The following ORC4 variants were observed in gnomAD, a reference collection of about 807,000 sequenced individuals.
ORC4 encodes origin recognition complex subunit 4.
A neutral mutation model predicts 63.9 loss-of-function variants in ORC4; 55 were observed. The ratio of observed to expected loss-of-function variants is 0.86; its 90% confidence interval spans 0.69 to 1.08. ORC4 has a LOEUF of 1.08. ORC4 is among the 50% of genes least tolerant of loss of function. The probability of loss-of-function intolerance (pLI) is 0.00; values close to 1 mark genes in which losing one functional copy is unlikely to be tolerated. For missense variants in ORC4, 511 were observed against 504.4 expected, an observed-to-expected ratio of 1.01 and a Z score of -0.13; for synonymous variants, 150 against 168.5, an observed-to-expected ratio of 0.89 and a Z score of 0.85.
At chr2:147,990,449 G>C (rs928378709) in intron 1 of ORC4, among the ~76,000 whole-genome samples, 2 of 152,156 alleles carry the variant, frequency 1.3e-5, no homozygotes, top group Non-Finnish European at 2.9e-5. Context: ...TTAAAAGAAT[G>C]GTTGAGTGTG....
chr2:147,977,219 C>T (rs1388469518), intron 1 of ORC4, among the ~76,000 whole-genome samples: 2 of 152,114 alleles, frequency 1.3e-5, no homozygotes, highest in Admixed American at 6.5e-5. Flanking sequence ...TTGGATCCAA[C>T]CAAGTTAACC....
intron 1 of ORC4, among the ~76,000 whole-genome samples, chr2:148,000,193 A>G (rs555479532): frequency 6.6e-5 from 10 of 152,238 alleles, no homozygotes; most frequent in Admixed American, 2.6e-4. Flanking sequence ...GAGTTGATGG[A>G]CACAAATTGT....
intron 7 of ORC4, among the ~76,000 whole-genome samples, chr2:147,953,973 T>G (rs1448035859): frequency 2.6e-5 from 4 of 151,922 alleles, no homozygotes; most frequent in African/African-American, 7.2e-5. Context: ...TATACATCAG[T>G]GGGGAAAATT....
intron 1 of ORC4, among the ~76,000 whole-genome samples, chr2:147,994,114 A>G (rs1311050625): frequency 1.3e-5 from 2 of 152,258 alleles, no homozygotes; most frequent in Non-Finnish European, 2.9e-5. Flanking sequence ...ATTAGCAACA[A>G]CAACAAAAAA....
chr2:147,972,297 T>G (rs1284197162), intron 4 of ORC4, among the ~76,000 whole-genome samples: 2 of 152,050 alleles, frequency 1.3e-5, no homozygotes, highest in Non-Finnish European at 2.9e-5. Flanking sequence ...ATAAAAAGAA[T>G]GCATGATATG....
At position 147,931,530 on chromosome 2, in the gene ORC4, C is replaced by CTT. The variant is rs1687735333; in HGVS notation, c.*3978_*3979dup. ...CTCTCCAGCACCTGTTGTTTCCTGA[C>CTT]TTTTTAATGATTGCCATTCTAACTG... On this transcript the variant is annotated 3_prime_UTR_variant, in exon 14 of 14. Coordinates refer to ENST00000392857, the MANE Select transcript of ORC4 (RefSeq NM_181741.4). The CTT allele has an allele frequency of 6.6e-6, 1 of 151,924 alleles. No homozygotes were observed. Among genetic ancestry groups the CTT allele is most frequent in the African/African-American group, 2.4e-5 (1 of 41,384 alleles). The allele number at this position is 151,924 out of a possible 1,614,324, so 9.4% of individuals were successfully genotyped here.
At chr2:147,970,808 T>C (rs1690168028) in intron 4 of ORC4, among the ~76,000 whole-genome samples, 1 of 151,980 alleles carries the variant, frequency 6.6e-6, no homozygotes, top group South Asian at 2.1e-4. Context: ...TCATAATACA[T>C]GATAGAAAAA....
intron 1 of ORC4, among the ~76,000 whole-genome samples, chr2:148,001,142 T>C (rs1558873405): frequency 6.6e-6 from 1 of 152,138 alleles, no homozygotes; most frequent in African/African-American, 2.4e-5. Context: ...ATCATTTCGT[T>C]GCACCATGGT....
chr2:148,002,665 G>T (rs1168995129), intron 1 of ORC4, among the ~76,000 whole-genome samples: 1 of 152,036 alleles, frequency 6.6e-6, no homozygotes, highest in Non-Finnish European at 1.5e-5. Context: ...AAGCAGAAAA[G>T]ATCTAAAACC....
chr2:148,003,599 TA>T (rs1211462713), intron 1 of ORC4, among the ~76,000 whole-genome samples: 4 of 152,090 alleles, frequency 2.6e-5, no homozygotes, highest in African/African-American at 9.7e-5. Flanking sequence ...TAAGAATCGA[TA>T]GAACGTATCT....
chr2:147,965,147 T>C (rs1199505532), intron 4 of ORC4, among the ~76,000 whole-genome samples: 2 of 151,652 alleles, frequency 1.3e-5, no homozygotes, highest in Non-Finnish European at 2.9e-5. Flanking sequence ...TGCGGATACA[T>C]AAAGGAGAAA....
intron 1 of ORC4, chr2:147,982,120 C>A (rs1185900441): frequency 6.6e-6 from 1 of 152,178 alleles, no homozygotes; most frequent in Non-Finnish European, 1.5e-5. Flanking sequence ...CAATTATTGT[C>A]TTGACCCTTA....
At chr2:147,985,978 G>A (rs1033428383) in intron 1 of ORC4, among the ~76,000 whole-genome samples, 3 of 152,034 alleles carry the variant, frequency 2.0e-5, no homozygotes, top group African/African-American at 4.8e-5. Flanking sequence ...CTTTTCTTTA[G>A]GAGACAAAAC....
In ORC4 at chr2:147,934,598, C is replaced by A. The variant is rs1687942851; in HGVS notation, c.*912G>T. On this transcript the variant is annotated 3_prime_UTR_variant, in exon 14 of 14. Coordinates refer to ENST00000392857, the MANE Select transcript of ORC4 (RefSeq NM_181741.4). ...CATCACAGAGTATACTTACACAGAC[C>A]CTGATGATATGTATATAGCCTGTTA... is the stretch of plus-strand genomic sequence containing the variant. The A allele has an allele frequency of 6.6e-6, 1 of 151,868 alleles. No homozygotes were observed. Among genetic ancestry groups the A allele is most frequent in the South Asian group, 2.1e-4 (1 of 4,824 alleles). 9.4% of individuals were successfully genotyped at this position (151,868 alleles called of 1,614,324 possible).
intron 10 of ORC4, 96 bp from the exon 11 acceptor site, chr2:147,939,344 G>A (rs1688239773): frequency 4.0e-6 from 3 of 753,310 alleles, no homozygotes; most frequent in Non-Finnish European, 4.8e-6. Context: ...TAATTCTTAA[G>A]GGAGAGTAAA....
intron 1 of ORC4, among the ~76,000 whole-genome samples, chr2:147,999,000 A>T (rs1427591240): frequency 6.6e-6 from 1 of 152,198 alleles, no homozygotes; most frequent in African/African-American, 2.4e-5. Context: ...TCTTCAACTC[A>T]TGTCTTATTT....
chr2:147,994,647 T>G (rs1024885635), intron 1 of ORC4, among the ~76,000 whole-genome samples: 7 of 152,100 alleles, frequency 4.6e-5, no homozygotes, highest in African/African-American at 1.4e-4. Context: ...TGCCAAAACA[T>G]GAATTGACAC....
chr2:147,932,425 T>C lies in ORC4; in HGVS notation c.*3085A>G, dbSNP rs1196207065. The C allele has an allele frequency of 6.6e-6, 1 of 152,044 alleles. No individual in the cohort carries two copies. Among genetic ancestry groups the C allele is most frequent in the East Asian group, 1.9e-4 (1 of 5,180 alleles). The allele number at this position is 152,044 out of a possible 1,614,324, so 9.4% of individuals were successfully genotyped here. On this transcript the variant is annotated 3_prime_UTR_variant, in exon 14 of 14. Transcript: ENST00000392857. ...AATGCCATCCCCATCAAGCTACCAA[T>C]GACTTTCTTCACAGAATTGGAAAAA...
At position 147,930,521 on chromosome 2, in the gene ORC4, C is replaced by CATTT. The variant is rs1687658123; in HGVS notation, c.*4985_*4988dup. ...TACAAGTAGCATCTTGATTGAACATCATTTACCTCAGATATTCAACCAGCA... is the reference window on the plus strand; with the variant it reads ...TACAAGTAGCATCTTGATTGAACATCATTTATTTACCTCAGATATTCAACCAGCA... On this transcript the variant is annotated 3_prime_UTR_variant, in exon 14 of 14. Coordinates refer to ENST00000392857, the MANE Select transcript of ORC4 (RefSeq NM_181741.4). The CATTT allele has an allele frequency of 6.6e-6, 1 of 152,356 alleles. No homozygotes were observed. Among genetic ancestry groups the CATTT allele is most frequent in the South Asian group, 2.1e-4 (1 of 4,824 alleles). 9.4% of individuals were successfully genotyped at this position (152,356 alleles called of 1,614,324 possible). A position where few individuals can be genotyped will look rare whatever the true frequency, so the allele number is the denominator to read the frequency against.
Sources: allele counts gnomAD v4.1 joint callset (sites outside exome capture counted in the v4.1 genomes callset), GRCh38; gene constraint gnomAD v4.1.1; transcripts MANE v1.5; gene names NCBI Gene and HGNC (gene_info 2026-07-23, HGNC 2026-07-21).